Variants in GALNT13 observed in about 807,000 individuals in gnomAD.
GALNT13 encodes UDP-GalNAc:polypeptide N-acetylgalactosaminyltransferase 13.
In GALNT13, 28 loss-of-function variants were observed where a neutral mutation model predicts 64.2. The ratio of observed to expected loss-of-function variants is 0.44; its 90% CI spans 0.32 to 0.60. GALNT13 has a LOEUF of 0.60. Ranked by LOEUF, GALNT13 falls within the 20% of genes least tolerant of loss-of-function variation. The pLI is 0.05. For missense variants in GALNT13, 577 were observed against 669.8 expected, an observed-to-expected ratio of 0.86 and a Z score of 1.53; for synonymous variants, 214 against 224.6, an observed-to-expected ratio of 0.95 and a Z score of 0.42.
At chr2:153,107,924 A>G in the GALNT13 span, among the ~76,000 whole-genome samples, 1 of 152,148 alleles carries the variant, frequency 6.6e-6, no homozygotes, top group Non-Finnish European at 1.5e-5. Context: ...CACCTCTACA[A>G]CACATATCAT....
the GALNT13 span, among the ~76,000 whole-genome samples, chr2:153,204,385 G>A: frequency 6.6e-6 from 1 of 152,214 alleles, no homozygotes; most frequent in Non-Finnish European, 1.5e-5. Context: ...TTTCACAGAA[G>A]AGAGGCTTGG....
chr2:153,428,983 C>A, the GALNT13 span, among the ~76,000 whole-genome samples: 1 of 152,116 alleles, frequency 6.6e-6, no homozygotes, highest in African/African-American at 2.4e-5. Context: ...CTTCTTCCTA[C>A]CCTGGTTTAT....
At chr2:154,179,132 T>G (rs1490148350) in intron 4 of GALNT13, among the ~76,000 whole-genome samples, 1 of 152,180 alleles carries the variant, frequency 6.6e-6, no homozygotes, top group Non-Finnish European at 1.5e-5. Flanking sequence ...TCTCTGAAAC[T>G]CCTTCTACTC....
At chr2:153,817,387 C>A in the GALNT13 span, among the ~76,000 whole-genome samples, 70 of 152,282 alleles carry the variant, frequency 4.6e-4, 1 homozygote, top group Non-Finnish European at 9.7e-4. Flanking sequence ...AGCAAGAAAT[C>A]TTCACCCTTG....
At chr2:154,193,493 C>A (rs150382319) in intron 4 of GALNT13, among the ~76,000 whole-genome samples, 92 of 152,294 alleles carry the variant, frequency 6.0e-4, no homozygotes, top group Non-Finnish European at 1.1e-3. Context: ...GACGAAACAT[C>A]ACTTGAATGT....
intron 2 of GALNT13, among the ~76,000 whole-genome samples, chr2:153,942,897 C>T (rs1320886635): frequency 6.6e-6 from 1 of 152,076 alleles, no homozygotes; most frequent in Non-Finnish European, 1.5e-5. Context: ...AGCTTGTGCT[C>T]ATCAAATTAT....
chr2:154,169,113 TCC>T (rs532727579), intron 4 of GALNT13, among the ~76,000 whole-genome samples: 29 of 152,064 alleles, frequency 1.9e-4, no homozygotes, highest in African/African-American at 6.0e-4. Context: ...ACTCCCTCAC[TCC>T]CCGCTACCAC....
At chr2:154,158,719 T>C (rs542788463) in intron 4 of GALNT13, among the ~76,000 whole-genome samples, 2 of 152,344 alleles carry the variant, frequency 1.3e-5, no homozygotes, top group South Asian at 4.1e-4. Flanking sequence ...AATATCCACA[T>C]GGTTTTGCTC....
chr2:153,715,754 A>G, the GALNT13 span, among the ~76,000 whole-genome samples: 5 of 151,476 alleles, frequency 3.3e-5, no homozygotes, highest in Admixed American at 3.3e-4. Context: ...TCCTTATCAT[A>G]TATTAACATC....
At chr2:153,082,384 A>T in the GALNT13 span, among the ~76,000 whole-genome samples, 2 of 151,048 alleles carry the variant, frequency 1.3e-5, no homozygotes, top group Admixed American at 6.6e-5. Flanking sequence ...CTTGGCCCCC[A>T]CTTGAAAGGG....
chr2:153,343,157 G>A, the GALNT13 span, among the ~76,000 whole-genome samples: 43 of 152,222 alleles, frequency 2.8e-4, no homozygotes, highest in African/African-American at 9.9e-4. Context: ...TTAGTTGCCT[G>A]CTGGTGCACC....
chr2:154,339,242 T>C (rs1020525176), intron 9 of GALNT13, among the ~76,000 whole-genome samples: 1 of 152,116 alleles, frequency 6.6e-6, no homozygotes, highest in Non-Finnish European at 1.5e-5. Flanking sequence ...ATGCAGTTGG[T>C]ATATCTATCA....
chr2:153,083,684 G>A, the GALNT13 span, among the ~76,000 whole-genome samples: 2 of 150,136 alleles, frequency 1.3e-5, no homozygotes, highest in African/African-American at 5.0e-5. Flanking sequence ...CCCACTTTGT[G>A]GGTTGTCTGT....
intron 3 of GALNT13, among the ~76,000 whole-genome samples, chr2:154,045,697 G>A (rs891797866): frequency 6.6e-6 from 1 of 152,120 alleles, no homozygotes; most frequent in Non-Finnish European, 1.5e-5. Flanking sequence ...GAAAAATACT[G>A]CCTTAGTTCA....
rs369813712 is a variant in GALNT13 at position 154,153,919 on chromosome 2, G to A, written c.311+13414G>A. Among the ~76,000 whole-genome samples, 22 of 152,294 alleles carry A rather than the reference G, an allele frequency of 1.4e-4. No homozygotes were observed. The South Asian group carries it at 3.7e-3, about 26-fold the overall frequency. Reference sequence around the variant, plus strand: ...AATGCCTTGCCCTGCTTCGGCTCACGCAGGATGCGCTGCACCCACTGTCCT... The same window carrying A: ...AATGCCTTGCCCTGCTTCGGCTCACACAGGATGCGCTGCACCCACTGTCCT... On this transcript the variant is annotated intron_variant, in intron 4 of 12. Coordinates refer to ENST00000392825, the MANE Select transcript of GALNT13 (RefSeq NM_052917.4).
the GALNT13 span, among the ~76,000 whole-genome samples, chr2:153,549,623 C>T: frequency 6.6e-6 from 1 of 152,144 alleles, no homozygotes; most frequent in Non-Finnish European, 1.5e-5. Flanking sequence ...TTCCCTAACC[C>T]TCACAGTGTC....
chr2:154,126,936 AC>A (rs1682317722), intron 3 of GALNT13, among the ~76,000 whole-genome samples: 1 of 152,182 alleles, frequency 6.6e-6, no homozygotes, highest in South Asian at 2.1e-4. Context: ...TATCTGAGGG[AC>A]AATAATGTTT....
the GALNT13 span, among the ~76,000 whole-genome samples, chr2:153,093,741 G>T: frequency 8.5e-5 from 13 of 152,276 alleles, no homozygotes; most frequent in South Asian, 1.7e-3. Flanking sequence ...GGAATAGTTT[G>T]AGTAGGATTG....
chr2:153,826,800 G>C, the GALNT13 span, among the ~76,000 whole-genome samples: 1 of 152,070 alleles, frequency 6.6e-6, no homozygotes, highest in African/African-American at 2.4e-5. Context: ...CATCGGATGG[G>C]TAGTAACTAG....
Sources: allele counts gnomAD v4.1 joint callset (sites outside exome capture counted in the v4.1 genomes callset), GRCh38; gene constraint gnomAD v4.1.1; transcripts MANE v1.5; gene names NCBI Gene and HGNC (gene_info 2026-07-23, HGNC 2026-07-21).